The following PTPRD variants were observed in gnomAD, a reference collection of about 807,000 sequenced individuals.
The protein encoded by PTPRD is receptor-type tyrosine-protein phosphatase delta.
Under a neutral mutation model 214.5 loss-of-function variants are expected in PTPRD, and 34 were observed. The ratio of observed to expected loss-of-function variants is 0.16; its 90% confidence interval spans 0.12 to 0.21. The LOEUF (loss-of-function observed/expected upper bound fraction) is 0.21, where lower values mean the gene tolerates loss of function less well. Ranked by LOEUF, PTPRD falls within the 10% of genes least tolerant of loss-of-function variation. PTPRD has a pLI of 1.00. For synonymous variants in PTPRD, 1,128 were observed against 845.7 expected (o/e 1.33, Z -5.79); for missense variants, 2,545 against 2,398.7 (o/e 1.06, Z -1.27).
intron 12 of PTPRD, among the ~76,000 whole-genome samples, chr9:8,697,105 G>A (rs1413627807): frequency 1.3e-5 from 2 of 152,074 alleles, no homozygotes; most frequent in Non-Finnish European, 2.9e-5. Flanking sequence ...TTTGGCTTTT[G>A]GACAAAACAT....
chr9:8,742,061 ATAT>A (rs2154446494), intron 11 of PTPRD, among the ~76,000 whole-genome samples: 1 of 152,250 alleles, frequency 6.6e-6, no homozygotes, highest in Admixed American at 6.5e-5. Context: ...CCAAAATTTC[ATAT>A]TATTCCCTAT....
intron 35 of PTPRD, among the ~76,000 whole-genome samples, chr9:8,414,080 A>G (rs2093718157): frequency 6.6e-6 from 1 of 152,214 alleles, no homozygotes; most frequent in African/African-American, 2.4e-5. Context: ...GATACATTAC[A>G]GGTAGGATAC....
At chr9:8,955,778 A>G (rs2099128396) in intron 11 of PTPRD, among the ~76,000 whole-genome samples, 1 of 151,834 alleles carries the variant, frequency 6.6e-6, no homozygotes, top group South Asian at 2.1e-4. Context: ...ACACACATCT[A>G]ACTCCTGTAA....
chr9:9,967,358 G>A (rs1566804400), intron 4 of PTPRD, among the ~76,000 whole-genome samples: 1 of 152,124 alleles, frequency 6.6e-6, no homozygotes, highest in East Asian at 1.9e-4. Context: ...TTTATGCCAA[G>A]TTGTCATTAA....
chr9:10,356,955 A>G (rs2097290997), intron 2 of PTPRD, among the ~76,000 whole-genome samples: 1 of 152,154 alleles, frequency 6.6e-6, no homozygotes, highest in African/African-American at 2.4e-5. Context: ...TGCTGGGATT[A>G]CAAGTGTGAG....
chr9:10,365,561 C>G (rs1000715543), intron 2 of PTPRD, among the ~76,000 whole-genome samples: 1 of 152,124 alleles, frequency 6.6e-6, no homozygotes, highest in African/African-American at 2.4e-5. Context: ...TTATCACTGA[C>G]TTTCTATCGT....
At chr9:9,829,995 T>G (rs2054282576) in intron 5 of PTPRD, among the ~76,000 whole-genome samples, 1 of 151,676 alleles carries the variant, frequency 6.6e-6, no homozygotes. Context: ...TGTTAAAGTA[T>G]AGCAGAAGGT....
intron 10 of PTPRD, among the ~76,000 whole-genome samples, chr9:9,112,202 G>C (rs542322403): frequency 6.6e-6 from 1 of 152,278 alleles, no homozygotes; most frequent in South Asian, 2.1e-4. Context: ...GACCGTGAAA[G>C]CACTGTCTAC....
chr9:9,764,509 G>A (rs7043338), intron 6 of PTPRD, among the ~76,000 whole-genome samples: 28,706 of 151,986 alleles, frequency 0.19, 4,290 homozygotes, highest in African/African-American at 0.39. Context: ...AAACTTACAA[G>A]TGTATATTAG....
intron 10 of PTPRD, among the ~76,000 whole-genome samples, chr9:9,141,475 G>C (rs1472424156): frequency 6.6e-6 from 1 of 151,880 alleles, no homozygotes; most frequent in Non-Finnish European, 1.5e-5. Context: ...ATTAGCACTG[G>C]AAGTAATAAG....
At chr9:9,932,087 C>T (rs1171604429) in intron 5 of PTPRD, among the ~76,000 whole-genome samples, 1 of 147,544 alleles carries the variant, frequency 6.8e-6, no homozygotes, top group African/African-American at 2.5e-5. Context: ...ACATCACCAT[C>T]ATCAAAGACC....
At chr9:9,427,604 T>C (rs1230450794) in intron 8 of PTPRD, among the ~76,000 whole-genome samples, 2 of 152,074 alleles carry the variant, frequency 1.3e-5, no homozygotes, top group Non-Finnish European at 2.9e-5. Flanking sequence ...CCAAGACACA[T>C]AATTGTCAGA....
chr9:10,551,863 A>C (rs1168632798), intron 2 of PTPRD, among the ~76,000 whole-genome samples: 1 of 152,218 alleles, frequency 6.6e-6, no homozygotes, highest in Non-Finnish European at 1.5e-5. Flanking sequence ...CATTATTCAG[A>C]ATCCTGAGAC....
chr9:8,920,690 G>A (rs990367452), intron 11 of PTPRD, among the ~76,000 whole-genome samples: 1 of 152,218 alleles, frequency 6.6e-6, no homozygotes, highest in Admixed American at 6.5e-5. Flanking sequence ...CGGCCCATGG[G>A]CCGTGGGTTG....
chr9:8,423,051 AAC>A (rs2094459527), intron 35 of PTPRD, among the ~76,000 whole-genome samples: 1 of 152,190 alleles, frequency 6.6e-6, no homozygotes, highest in South Asian at 2.1e-4. Context: ...GAGTAGGGGA[AAC>A]ACAGCATTGA....
chr9:9,128,365 A>T (rs2099837324), intron 10 of PTPRD, among the ~76,000 whole-genome samples: 1 of 152,264 alleles, frequency 6.6e-6, no homozygotes, highest in South Asian at 2.1e-4. Context: ...ATACATGCAC[A>T]TACTGTCCAA....
chr9:10,276,482 A>C (rs2094697800), intron 3 of PTPRD, among the ~76,000 whole-genome samples: 1 of 152,226 alleles, frequency 6.6e-6, no homozygotes, highest in Admixed American at 6.5e-5. Context: ...ATCAAGACAA[A>C]GCCATTAAAA....
chr9:10,006,299 G>C (rs918826044), intron 4 of PTPRD, among the ~76,000 whole-genome samples: 6 of 151,968 alleles, frequency 3.9e-5, no homozygotes, highest in African/African-American at 1.4e-4. Flanking sequence ...AATGTGACTA[G>C]TCTGTGCAGC....
intron 5 of PTPRD, among the ~76,000 whole-genome samples, chr9:9,864,489 T>C (rs1030905858): frequency 6.6e-6 from 1 of 152,100 alleles, no homozygotes; most frequent in Non-Finnish European, 1.5e-5. Context: ...ATACAGTTTC[T>C]GTTTCGGATT....
Sources: allele counts gnomAD v4.1 joint callset (sites outside exome capture counted in the v4.1 genomes callset), GRCh38; gene constraint gnomAD v4.1.1; transcripts MANE v1.5; gene names NCBI Gene and HGNC (gene_info 2026-07-23, HGNC 2026-07-21).